Variants in SHANK2 observed in about 807,000 individuals in gnomAD.
SHANK2 encodes SH3 and multiple ankyrin repeat domains 2.
A neutral mutation model predicts 133.7 loss-of-function variants in SHANK2; 43 were observed. That is an observed-to-expected ratio of 0.32 (90% CI 0.25 to 0.41). SHANK2 has a LOEUF of 0.41. Ranked by LOEUF, SHANK2 falls within the 10% of genes least tolerant of loss-of-function variation. The pLI is 1.00. For missense variants in SHANK2, 1,994 were observed against 2,235.8 expected, an observed-to-expected ratio of 0.89 and a Z score of 2.18; for synonymous variants, 1,017 against 952.8, an observed-to-expected ratio of 1.07 and a Z score of -1.24.
intron 11 of SHANK2, among the ~76,000 whole-genome samples, chr11:70,872,689 C>T (rs1949489008): frequency 6.6e-6 from 1 of 152,046 alleles, no homozygotes; most frequent in Non-Finnish European, 1.5e-5. Context: ...CTTCCGGCTC[C>T]CTGGTGTATC....
At chr11:71,126,216 C>CAAAAAAAAAAAAAA (rs1170621448) in intron 3 of SHANK2, among the ~76,000 whole-genome samples, 5 of 64,438 alleles carry the variant, frequency 7.8e-5, no homozygotes, top group Non-Finnish European at 7.9e-5. Context: ...GACTCCGTCT[C>CAAAAAAAAAAAAAA]AAAAAAAAAA....
chr11:70,624,422 G>C (rs118014365), intron 17 of SHANK2, among the ~76,000 whole-genome samples: 3,301 of 151,858 alleles, frequency 0.022, 74 homozygotes, highest in Non-Finnish European at 0.029. Flanking sequence ...ACCCCTCACA[G>C]AGAGAGGAAC....
chr11:70,516,677 G>GA (rs1344348103), intron 17 of SHANK2, among the ~76,000 whole-genome samples: 1 of 152,176 alleles, frequency 6.6e-6, no homozygotes, highest in Non-Finnish European at 1.5e-5. Context: ...CAGACTGGGG[G>GA]AAAATCTTTG....
At chr11:71,101,990 C>A (rs184614214) in intron 6 of SHANK2, among the ~76,000 whole-genome samples, 1 of 152,146 alleles carries the variant, frequency 6.6e-6, no homozygotes, top group African/African-American at 2.4e-5. Context: ...AATCTGGATC[C>A]GTAAAGGAAC....
chr11:70,905,189 G>C (rs11237931), intron 10 of SHANK2, among the ~76,000 whole-genome samples: 99,225 of 152,010 alleles, frequency 0.65, 36,076 homozygotes, highest in Non-Finnish European at 0.79. Flanking sequence ...ACCTGGGGCT[G>C]TCTGGTTGGT....
chr11:70,709,550 C>T lies in SHANK2; in HGVS notation c.1778-10787G>A, dbSNP rs868907804. ...CAGCTATAGCTTGACAGAGCCTACT[C>T]GGTGACCACAGCCATCCTGACATCC... On this transcript the variant is annotated intron_variant, in intron 14 of 25. Coordinates refer to ENST00000601538, the MANE Select transcript of SHANK2 (RefSeq NM_012309.5). Among the ~76,000 whole-genome samples the T allele has an allele frequency of 1.1e-4, 16 of 152,324 alleles. No individual in the cohort carries two copies. The East Asian group carries it at 2.1e-3, about 20-fold the overall frequency.
intron 15 of SHANK2, among the ~76,000 whole-genome samples, chr11:70,694,930 C>A (rs1945360762): frequency 6.6e-6 from 1 of 152,196 alleles, no homozygotes; most frequent in Admixed American, 6.5e-5. Flanking sequence ...GTCCACCCTG[C>A]CATGCTAATA....
intron 14 of SHANK2, among the ~76,000 whole-genome samples, chr11:70,756,557 A>G (rs1440623747): frequency 3.3e-5 from 5 of 151,898 alleles, no homozygotes; most frequent in African/African-American, 9.7e-5. Context: ...GGCTGTGGCT[A>G]CCTCTCTAAC....
At chr11:71,081,339 C>G (rs1951298047) in intron 8 of SHANK2, among the ~76,000 whole-genome samples, 1 of 152,212 alleles carries the variant, frequency 6.6e-6, no homozygotes, top group African/African-American at 2.4e-5. Flanking sequence ...CACTTTGGGT[C>G]TACTAATGTG....
At chr11:71,240,034 A>G (rs1256672723) in intron 1 of SHANK2, among the ~76,000 whole-genome samples, 4 of 152,160 alleles carry the variant, frequency 2.6e-5, no homozygotes, top group African/African-American at 9.7e-5. Context: ...CAATAGTAAT[A>G]TGATACTAAT....
chr11:70,510,221 C>A (rs1554969089), intron 17 of SHANK2, among the ~76,000 whole-genome samples: 1 of 152,188 alleles, frequency 6.6e-6, no homozygotes, highest in Non-Finnish European at 1.5e-5. Flanking sequence ...AAGGCCACAG[C>A]CCCCAGATGC....
chr11:71,124,932 G>C (rs1952155505), intron 3 of SHANK2, among the ~76,000 whole-genome samples: 1 of 152,126 alleles, frequency 6.6e-6, no homozygotes, highest in Admixed American at 6.6e-5. Context: ...AGTAATTCTT[G>C]TACTGTCAAA....
intron 17 of SHANK2, among the ~76,000 whole-genome samples, chr11:70,540,205 G>A (rs1048894667): frequency 3.9e-5 from 6 of 152,176 alleles, no homozygotes; most frequent in Non-Finnish European, 7.4e-5. Context: ...TTCCACAGCC[G>A]TGAGTTATGG....
chr11:70,885,123 C>A (rs1042835274), intron 11 of SHANK2, among the ~76,000 whole-genome samples: 1 of 152,128 alleles, frequency 6.6e-6, no homozygotes, highest in Admixed American at 6.5e-5. Flanking sequence ...TCTAAGAGAA[C>A]TGGGGTCTCG....
chr11:70,762,360 G>T (rs2134986793), intron 14 of SHANK2, among the ~76,000 whole-genome samples: 1 of 152,294 alleles, frequency 6.6e-6, no homozygotes, highest in African/African-American at 2.4e-5. Flanking sequence ...CAGGCTGTCG[G>T]TTAGTGGCAT....
At chr11:70,681,653 G>A in intron 15 of SHANK2, among the ~76,000 whole-genome samples, 1 of 152,112 alleles carries the variant, frequency 6.6e-6, no homozygotes, top group Non-Finnish European at 1.5e-5. Context: ...CTGAACGGAC[G>A]CTGGGGCACG....
At chr11:70,764,694 C>T (rs1261217154) in intron 14 of SHANK2, among the ~76,000 whole-genome samples, 2 of 151,422 alleles carry the variant, frequency 1.3e-5, no homozygotes, top group Non-Finnish European at 2.9e-5. Context: ...TCCATCCACA[C>T]TTGCATCAAT....
chr11:70,488,476 C>T (rs1555154937), intron 24 of SHANK2, among the ~76,000 whole-genome samples: 1 of 152,178 alleles, frequency 6.6e-6, no homozygotes, highest in East Asian at 1.9e-4. Context: ...CTGGGCCCCA[C>T]TAAGGGTTCT....
chr11:70,683,648 G>T (rs1378808423), intron 15 of SHANK2, among the ~76,000 whole-genome samples: 1 of 152,206 alleles, frequency 6.6e-6, no homozygotes. Context: ...CCCTCAGGAG[G>T]CCCCAGGGGA....
Sources: allele counts gnomAD v4.1 joint callset (sites outside exome capture counted in the v4.1 genomes callset), GRCh38; gene constraint gnomAD v4.1.1; transcripts MANE v1.5; gene names NCBI Gene and HGNC (gene_info 2026-07-23, HGNC 2026-07-21).